MEF2A: variants seen among roughly 807,000 people sequenced by gnomAD.
MEF2A encodes the protein myocyte-specific enhancer factor 2A.
In MEF2A, 28 loss-of-function variants were observed where a neutral mutation model predicts 55.8. That is an observed-to-expected ratio of 0.50 (90% CI 0.37 to 0.69). The LOEUF (loss-of-function observed/expected upper bound fraction) is 0.69, where lower values mean the gene tolerates loss of function less well. Among genes scored for constraint, MEF2A ranks in the 30% least tolerant of loss-of-function variants. MEF2A has a pLI of 0.00. For missense variants in MEF2A, 528 were observed against 626.2 expected (o/e 0.84, Z 1.67); for synonymous variants, 239 against 227.1 (o/e 1.05, Z -0.47).
chr15:99,566,802 C>T (rs987729350), intron 1 of MEF2A, among the ~76,000 whole-genome samples: 3 of 139,618 alleles, frequency 2.1e-5, no homozygotes, highest in African/African-American at 5.3e-5. Context: ...GTGGCGGGGT[C>T]GGTGTTTGGG....
chr15:99,572,013 G>GTT (rs36027608), intron 1 of MEF2A, among the ~76,000 whole-genome samples: 14 of 128,344 alleles, frequency 1.1e-4, no homozygotes, highest in Admixed American at 3.1e-4. Flanking sequence ...CTCCATAGAA[G>GTT]TTTTTTTTTT....
At chr15:99,616,253 A>G (rs2040175377) in intron 2 of MEF2A, among the ~76,000 whole-genome samples, 1 of 152,196 alleles carries the variant, frequency 6.6e-6, no homozygotes, top group Admixed American at 6.5e-5. Context: ...AAATGAGAAA[A>G]TATTTTCTAG....
intron 4 of MEF2A, among the ~76,000 whole-genome samples, chr15:99,654,570 A>AT (rs1379802713): frequency 1.2e-4 from 16 of 139,036 alleles, no homozygotes; most frequent in African/African-American, 3.1e-4. Context: ...ATAAAAATAA[A>AT]TTAAAAAAAA....
chr15:99,706,553 C>A, intron 9 of MEF2A, 176 bp from the exon 10 acceptor site: 7 of 627,636 alleles, frequency 1.1e-5, no homozygotes, highest in South Asian at 4.2e-5. Context: ...AAAATAGGAC[C>A]CTTCAAATTA....
At chr15:99,591,565 T>G (rs1395342545) in intron 1 of MEF2A, among the ~76,000 whole-genome samples, 1 of 152,192 alleles carries the variant, frequency 6.6e-6, no homozygotes, top group Non-Finnish European at 1.5e-5. Context: ...TGTTCAGTTT[T>G]CCTCAAATTT....
rs566155705 is a variant in MEF2A at position 99,675,658 on chromosome 15, T to C, written c.670+200T>C. 2.0e-5 allele frequency among the ~76,000 whole-genome samples: 3 copies of C among 152,324 alleles called. No homozygotes were observed. In the South Asian group the frequency reaches 6.2e-4, roughly 32 times the overall value. Reference sequence around the variant, plus strand: ...TAGACTGTTACCAAACTACTCTATCTTACAACAGCATGAAATGTTTTCAGA... The same window carrying C: ...TAGACTGTTACCAAACTACTCTATCCTACAACAGCATGAAATGTTTTCAGA... On this transcript the variant is annotated intron_variant, in intron 7 of 11. Transcript: ENST00000557942.
rs1255446626 is a variant in MEF2A at position 99,669,662 on chromosome 15, T to C, written c.259-1661T>C. Among the ~76,000 whole-genome samples, 3 of 152,368 alleles carry C rather than the reference T, an allele frequency of 2.0e-5. No individual in the cohort carries two copies. The East Asian group carries it at 5.8e-4, about 29-fold the overall frequency. ...CTAACGTATCTGTACTAATGATTGT[T>C]TATGATTCTTCATGAAAAATTTTTA... On this transcript the variant is annotated intron_variant, in intron 4 of 11. Coordinates refer to ENST00000557942, the MANE Select transcript of MEF2A (RefSeq NM_001319206.4).
intron 11 of MEF2A, 69 bp downstream of exon 11, chr15:99,710,829 A>G: frequency 6.5e-7 from 1 of 1,528,288 alleles, no homozygotes; most frequent in Non-Finnish European, 8.9e-7. Context: ...TATCAGTGAC[A>G]GCCTTTTGCT....
intron 1 of MEF2A, among the ~76,000 whole-genome samples, chr15:99,593,158 C>G (rs1204356109): frequency 1.3e-5 from 2 of 152,140 alleles, no homozygotes; most frequent in South Asian, 4.1e-4. Flanking sequence ...AGCACTTTCT[C>G]TCCTGAGTAC....
At chr15:99,573,180 C>T (rs781227221) in intron 1 of MEF2A, among the ~76,000 whole-genome samples, 58 of 149,378 alleles carry the variant, frequency 3.9e-4, no homozygotes, top group Middle Eastern at 3.6e-3. Context: ...CCCAGCTATG[C>T]GGGAGGCTGA....
chr15:99,702,608 A>G (rs2057545803), intron 8 of MEF2A, among the ~76,000 whole-genome samples: 1 of 151,892 alleles, frequency 6.6e-6, no homozygotes, highest in Non-Finnish European at 1.5e-5. Flanking sequence ...TTGTAGTTTT[A>G]GTAGAGACAA....
intron 4 of MEF2A, among the ~76,000 whole-genome samples, chr15:99,665,628 A>G (rs2049472569): frequency 6.6e-6 from 1 of 151,264 alleles, no homozygotes; most frequent in Non-Finnish European, 1.5e-5. Flanking sequence ...AAGAAACTTT[A>G]TCATCAGAAT....
At chr15:99,660,557 A>G (rs2048453949) in intron 4 of MEF2A, among the ~76,000 whole-genome samples, 1 of 152,176 alleles carries the variant, frequency 6.6e-6, no homozygotes, top group Non-Finnish European at 1.5e-5. Flanking sequence ...CATAAGGTAA[A>G]TGTCTTTGGG....
chr15:99,616,352 G>T (rs1424228966), intron 2 of MEF2A, among the ~76,000 whole-genome samples: 2 of 152,068 alleles, frequency 1.3e-5, no homozygotes, highest in Non-Finnish European at 2.9e-5. Context: ...ATAGTTAATT[G>T]TTAGCATTTG....
At chr15:99,584,796 G>A (rs1353148210) in intron 1 of MEF2A, among the ~76,000 whole-genome samples, 1 of 152,150 alleles carries the variant, frequency 6.6e-6, no homozygotes, top group East Asian at 1.9e-4. Flanking sequence ...ACATACCTGA[G>A]GGTATCAAAA....
At chr15:99,579,026 G>A (rs907367836) in intron 1 of MEF2A, among the ~76,000 whole-genome samples, 1 of 152,160 alleles carries the variant, frequency 6.6e-6, no homozygotes, top group Non-Finnish European at 1.5e-5. Flanking sequence ...CACCAGATGT[G>A]GATAGATGGG....
intron 1 of MEF2A, among the ~76,000 whole-genome samples, chr15:99,594,330 G>A (rs1970381340): frequency 1.3e-5 from 2 of 152,164 alleles, no homozygotes; most frequent in Non-Finnish European, 2.9e-5. Context: ...TGACCAGATG[G>A]AAGAGATGCA....
At chr15:99,670,697 T>G (rs2050712794) in intron 4 of MEF2A, among the ~76,000 whole-genome samples, 1 of 152,214 alleles carries the variant, frequency 6.6e-6, no homozygotes, top group Non-Finnish European at 1.5e-5. Context: ...CTGAATAACT[T>G]TTGAGTGCAA....
At chr15:99,692,051 T>TTC (rs1454746163) in intron 8 of MEF2A, among the ~76,000 whole-genome samples, 2 of 152,242 alleles carry the variant, frequency 1.3e-5, no homozygotes, top group African/African-American at 4.8e-5. Context: ...ATGCCAGGTG[T>TTC]TCTCTCTGCT....
Sources: gnomAD v4.1 joint callset for allele counts (sites outside exome capture counted in the v4.1 genomes callset) on GRCh38, gnomAD v4.1.1 for gene constraint, MANE v1.5 for transcripts, NCBI Gene and HGNC (gene_info 2026-07-23, HGNC 2026-07-21) for gene names.